The following ABCC4 variants were observed in gnomAD, a reference collection of about 807,000 sequenced individuals.
ABCC4 encodes ATP-binding cassette sub-family C member 4.
In ABCC4, 102 loss-of-function variants were observed where a neutral mutation model predicts 168.5. The ratio of observed to expected loss-of-function variants is 0.61; its 90% confidence interval spans 0.52 to 0.71. ABCC4 has a LOEUF of 0.71. Among genes scored for constraint, ABCC4 ranks in the 30% least tolerant of loss-of-function variants. The pLI, the probability that ABCC4 is intolerant of heterozygous loss-of-function variation, is 0.00. For missense variants in ABCC4, 1,402 were observed against 1,605.8 expected (o/e 0.87, Z 2.17); for synonymous variants, 617 against 590.7 (o/e 1.04, Z -0.65).
In ABCC4 at chr13:95,210,701, C is replaced by T; in HGVS notation, c.612G>A (p.Lys204=). Residue 204 remains lysine (K), a synonymous_variant, in exon 5 of 31, where the codon AAG becomes AAA. Coordinates refer to ENST00000645237, the MANE Select transcript of ABCC4 (RefSeq NM_005845.5). ...IVNLLSNDVN[K]FDQVTVFLHF... Reference sequence around the variant, plus strand: ...CTGAGCTGCAGCTTACCTGATCAAACTTGTTCACATCATTGGACAGCAGAT... The same window carrying T: ...CTGAGCTGCAGCTTACCTGATCAAATTTGTTCACATCATTGGACAGCAGAT... 1 of 1,614,052 alleles carries T rather than the reference C, an allele frequency of 6.2e-7. No individual in the cohort carries two copies. The highest frequency in any genetic ancestry group is 1.1e-5 in the South Asian group (1 of 91,076).
At chr13:95,300,375 CAG>C (rs4148420) in intron 1 of ABCC4, among the ~76,000 whole-genome samples, 2,411 of 152,284 alleles carry the variant, frequency 0.016, 91 homozygotes, top group East Asian at 0.14. Flanking sequence ...GTATTGGAAA[CAG>C]GGGAAAGAAG....
At chr13:95,058,894 G>A (rs1035407222) in intron 26 of ABCC4, among the ~76,000 whole-genome samples, 7 of 152,220 alleles carry the variant, frequency 4.6e-5, no homozygotes, top group African/African-American at 1.2e-4. Context: ...AGCACAGTGA[G>A]GCACGCTGTT....
At chr13:95,213,161 C>A (rs1271609987) in intron 4 of ABCC4, among the ~76,000 whole-genome samples, 2 of 150,362 alleles carry the variant, frequency 1.3e-5, no homozygotes, top group Non-Finnish European at 3.0e-5. Context: ...AGCTGACAAG[C>A]AAACTACCAG....
intron 19 of ABCC4, among the ~76,000 whole-genome samples, chr13:95,122,821 C>T (rs903721655): frequency 8.5e-6 from 1 of 117,018 alleles, no homozygotes; most frequent in African/African-American, 2.6e-5. Context: ...TCTCAGAAAC[C>T]CTCCGCAGCT....
At chr13:95,233,675 A>G (rs919366458) in intron 4 of ABCC4, among the ~76,000 whole-genome samples, 1 of 152,206 alleles carries the variant, frequency 6.6e-6, no homozygotes, top group Non-Finnish European at 1.5e-5. Flanking sequence ...TTTAAAATAA[A>G]TAAATAAATA....
intron 4 of ABCC4, among the ~76,000 whole-genome samples, chr13:95,232,987 T>C (rs894474890): frequency 6.6e-6 from 1 of 152,222 alleles, no homozygotes; most frequent in African/African-American, 2.4e-5. Flanking sequence ...TTGGCATCCC[T>C]GGACTCAACC....
intron 11 of ABCC4, among the ~76,000 whole-genome samples, chr13:95,181,578 C>T (rs1468102985): frequency 6.6e-6 from 1 of 152,232 alleles, no homozygotes; most frequent in Non-Finnish European, 1.5e-5. Context: ...TACTCAGCTT[C>T]TTGCTCCACA....
intron 23 of ABCC4, 115 bp from the exon 24 acceptor site, chr13:95,073,419 G>A (rs1195122296): frequency 1.7e-6 from 1 of 605,094 alleles, no homozygotes; most frequent in African/African-American, 1.8e-5. Context: ...CACATTTAAT[G>A]ACATTAATAG....
intron 19 of ABCC4, among the ~76,000 whole-genome samples, chr13:95,154,945 ACT>A (rs947177749): frequency 6.6e-6 from 1 of 151,924 alleles, no homozygotes; most frequent in African/African-American, 2.4e-5. Context: ...TTTATTGATG[ACT>A]CTTTTTTTCT....
At chr13:95,087,513 A>G (rs1240003609) in intron 20 of ABCC4, among the ~76,000 whole-genome samples, 1 of 152,218 alleles carries the variant, frequency 6.6e-6, no homozygotes, top group Non-Finnish European at 1.5e-5. Flanking sequence ...CTACTTCTCA[A>G]TGAAATGACT....
intron 26 of ABCC4, among the ~76,000 whole-genome samples, chr13:95,057,370 G>A (rs902914769): frequency 6.6e-6 from 1 of 152,086 alleles, no homozygotes; most frequent in African/African-American, 2.4e-5. Context: ...CTCCCGAGCA[G>A]CTGGGACTAC....
rs2036403442 is a variant in ABCC4 at position 95,143,952 on chromosome 13, C to T, written c.2455+17237G>A. Among the ~76,000 whole-genome samples, 3 of 152,228 alleles carry T rather than the reference C, an allele frequency of 2.0e-5. No individual in the cohort carries two copies. The East Asian group carries it at 5.8e-4, about 29-fold the overall frequency. On this transcript the variant is annotated intron_variant, in intron 19 of 30. Transcript: ENST00000645237. ...AATTGATAAAAGCAAGTTTATGTAA[C>T]AGCTGAGTAAACATTTCAGAAGGTG... is the stretch of plus-strand genomic sequence containing the variant.
At chr13:95,208,713 T>C (rs1035565681) in intron 6 of ABCC4, among the ~76,000 whole-genome samples, 22 of 143,432 alleles carry the variant, frequency 1.5e-4, no homozygotes, top group African/African-American at 4.9e-4. Context: ...CTCTGCCTCC[T>C]GGATTCAAGT....
chr13:95,181,095 G>A (rs969575437), intron 11 of ABCC4, among the ~76,000 whole-genome samples: 9 of 152,182 alleles, frequency 5.9e-5, no homozygotes, highest in African/African-American at 1.7e-4. Flanking sequence ...TGCACGTTAG[G>A]TACCACTCAG....
intron 19 of ABCC4, among the ~76,000 whole-genome samples, chr13:95,139,240 A>G (rs1453460649): frequency 6.6e-6 from 1 of 152,244 alleles, no homozygotes; most frequent in African/African-American, 2.4e-5. Context: ...TGTTTACAAA[A>G]GAGACATGAT....
chr13:95,132,038 G>A (rs530793313), intron 19 of ABCC4, among the ~76,000 whole-genome samples: 12 of 152,206 alleles, frequency 7.9e-5, no homozygotes, highest in Admixed American at 5.9e-4. Flanking sequence ...TAGTCAAAGG[G>A]CAGAAGCAAC....
At chr13:95,176,712 T>C (rs2037716329) in intron 13 of ABCC4, among the ~76,000 whole-genome samples, 1 of 152,182 alleles carries the variant, frequency 6.6e-6, no homozygotes, top group African/African-American at 2.4e-5. Context: ...AGATGTTTCA[T>C]GCAGTAGCAT....
intron 9 of ABCC4, 101 bp from the exon 10 acceptor site, chr13:95,188,643 T>C (rs1395043541): frequency 4.0e-5 from 36 of 895,986 alleles, no homozygotes; most frequent in South Asian, 3.4e-4. Flanking sequence ...TACATGAACA[T>C]AACCCAAATC....
intron 19 of ABCC4, among the ~76,000 whole-genome samples, chr13:95,127,723 A>G (rs996819488): frequency 1.3e-5 from 2 of 151,970 alleles, no homozygotes; most frequent in African/African-American, 4.8e-5. Context: ...TTGTGGTGCC[A>G]TTCTCTAAGG....
Sources: allele counts gnomAD v4.1 joint callset (sites outside exome capture counted in the v4.1 genomes callset), GRCh38; gene constraint gnomAD v4.1.1; transcripts MANE v1.5; gene names NCBI Gene and HGNC (gene_info 2026-07-23, HGNC 2026-07-21).